BIN2: variants seen among roughly 807,000 people sequenced by gnomAD.
BIN2 encodes the protein breast cancer associated protein BRAP1.
BIN2 carries 43 observed loss-of-function variants against 67.9 expected under a neutral mutation model. The ratio of observed to expected loss-of-function variants is 0.63; its 90% CI spans 0.50 to 0.82. The LOEUF (loss-of-function observed/expected upper bound fraction) is 0.82, where lower values mean the gene tolerates loss of function less well. Ranked by LOEUF, BIN2 falls within the 40% of genes least tolerant of loss-of-function variation. BIN2 has a pLI of 0.00. For synonymous variants in BIN2, 244 were observed against 246.8 expected (o/e 0.99, Z 0.11); for missense variants, 581 against 671.6 (o/e 0.87, Z 1.49).
intron 9 of BIN2, among the ~76,000 whole-genome samples, chr12:51,292,579 T>C (rs961809694): frequency 6.6e-6 from 1 of 152,174 alleles, no homozygotes; most frequent in African/African-American, 2.4e-5. Context: ...AAAGAAACAC[T>C]GCAAAATGTC....
At chr12:51,302,884 G>A in intron 3 of BIN2, 104 bp from the exon 4 acceptor site, 1 of 1,199,980 alleles carries the variant, frequency 8.3e-7, no homozygotes. Context: ...GACAAACTCA[G>A]AAGGTTTAGG....
chr12:51,299,573 G>A (rs2288368), intron 6 of BIN2, 34 bp downstream of exon 6: 869,694 of 1,586,632 alleles, frequency 0.55, 240,951 homozygotes, highest in Non-Finnish European at 0.57. Flanking sequence ...GAACAGGAAG[G>A]GTTTACCAGT....
chr12:51,299,382 G>A, intron 6 of BIN2, 94 bp from the exon 7 acceptor site: 1 of 1,259,872 alleles, frequency 7.9e-7, no homozygotes, highest in South Asian at 1.2e-5. Context: ...TAGGCACTAG[G>A]CTTTTTAGGA....
chr12:51,286,885 G>A (rs991122174), intron 11 of BIN2, among the ~76,000 whole-genome samples: 10 of 143,316 alleles, frequency 7.0e-5, no homozygotes, highest in Non-Finnish European at 1.5e-4. Flanking sequence ...GTGCAGTGGC[G>A]TGATCATGGC....
chr12:51,290,593 G>A (rs965416729), intron 10 of BIN2, among the ~76,000 whole-genome samples: 11 of 151,882 alleles, frequency 7.2e-5, no homozygotes, highest in Admixed American at 2.0e-4. Flanking sequence ...TTGGGAGGCC[G>A]AGGCAGGCGG....
chr12:51,323,923 G>T, intron 1 of BIN2, 99 bp downstream of exon 1: 1 of 1,473,048 alleles, frequency 6.8e-7, no homozygotes, highest in Non-Finnish European at 9.2e-7. Flanking sequence ...AGACCCTTCG[G>T]GGCCCCTGAG....
chr12:51,318,503 C>G (rs1261998258), intron 1 of BIN2, among the ~76,000 whole-genome samples: 1 of 152,210 alleles, frequency 6.6e-6, no homozygotes, highest in Non-Finnish European at 1.5e-5. Context: ...CTCAGGTGAT[C>G]TGCCCACCTC....
upstream of BIN2, chr12:51,324,228 G>A (rs373826826): frequency 1.1e-5 from 16 of 1,461,312 alleles, no homozygotes; most frequent in Admixed American, 2.6e-5. Flanking sequence ...ACCTCAGGCC[G>A]CCCCTGGCCA....
intron 11 of BIN2, 131 bp downstream of exon 11, chr12:51,287,977 T>C: frequency 1.5e-6 from 1 of 652,104 alleles, no homozygotes; most frequent in Non-Finnish European, 2.6e-6. Context: ...CTTGCTCTGT[T>C]AGGGCCCTCA....
In BIN2 at chr12:51,315,191, A is replaced by T. The variant is rs549003080; in HGVS notation, c.82-1288T>A. 2.7e-3 allele frequency among the ~76,000 whole-genome samples: 400 copies of T among 149,972 alleles called. 2 individuals are homozygous for T. Among genetic ancestry groups the T allele is most frequent in the African/African-American group, 9.3e-3 (380 of 40,644 alleles). On this transcript the variant is annotated intron_variant, in intron 1 of 12. Coordinates refer to ENST00000615107, the MANE Select transcript of BIN2 (RefSeq NM_016293.4). ...TTATTATTATTTTTTTTTTTTTGAG[A>T]CGGAGTCTCGCTCTGTCGCCCAGGC...
At chr12:51,293,858 A>T (rs1433167657) in intron 9 of BIN2, among the ~76,000 whole-genome samples, 1 of 152,196 alleles carries the variant, frequency 6.6e-6, no homozygotes, top group Non-Finnish European at 1.5e-5. Context: ...TGGACTCATG[A>T]GGGCTCTTAC....
chr12:51,319,224 T>A (rs751481599), intron 1 of BIN2, among the ~76,000 whole-genome samples: 40 of 152,242 alleles, frequency 2.6e-4, no homozygotes, highest in South Asian at 4.1e-4. Context: ...ATCTCCCCAA[T>A]CCCCAAAAGG....
chr12:51,289,040 G>C (rs188622595), intron 10 of BIN2, among the ~76,000 whole-genome samples: 2 of 152,090 alleles, frequency 1.3e-5, no homozygotes, highest in East Asian at 3.9e-4. Context: ...GAGCCACTGC[G>C]CCCGGCCCTT....
intron 10 of BIN2, among the ~76,000 whole-genome samples, chr12:51,290,777 CA>C (rs202062812): frequency 6.6e-6 from 1 of 151,870 alleles, no homozygotes; most frequent in African/African-American, 2.4e-5. Context: ...ACTAAAAATA[CA>C]AAAAATTAGC....
chr12:51,303,223 T>C, intron 2 of BIN2, 82 bp from the exon 3 acceptor site: 2 of 1,398,582 alleles, frequency 1.4e-6, no homozygotes, highest in Non-Finnish European at 2.0e-6. Flanking sequence ...AAAAGTAGGT[T>C]AAGAGCAGAA....
chr12:51,284,574 C>A, intron 12 of BIN2, 142 bp downstream of exon 12: 1 of 612,264 alleles, frequency 1.6e-6, no homozygotes, highest in Non-Finnish European at 2.9e-6. Flanking sequence ...ATTCTTGTTT[C>A]CTCTGATTCC....
intron 1 of BIN2, among the ~76,000 whole-genome samples, chr12:51,319,050 T>C (rs949325749): frequency 6.6e-6 from 1 of 152,226 alleles, no homozygotes; most frequent in Admixed American, 6.5e-5. Flanking sequence ...ACCAGAAAGT[T>C]GCAAAACCAC....
At chr12:51,293,205 C>CA (rs1945436325) in intron 9 of BIN2, among the ~76,000 whole-genome samples, 1 of 151,902 alleles carries the variant, frequency 6.6e-6, no homozygotes, top group South Asian at 2.1e-4. Flanking sequence ...TCAACTATAA[C>CA]ATCTATCAAG....
chr12:51,321,882 C>G (rs1042864758), intron 1 of BIN2, among the ~76,000 whole-genome samples: 6 of 152,232 alleles, frequency 3.9e-5, no homozygotes, highest in African/African-American at 1.2e-4. Flanking sequence ...CCCTCTTTAT[C>G]TTGGTCTCAA....
Sources: allele counts gnomAD v4.1 joint callset (sites outside exome capture counted in the v4.1 genomes callset), GRCh38; gene constraint gnomAD v4.1.1; transcripts MANE v1.5; gene names NCBI Gene and HGNC (gene_info 2026-07-23, HGNC 2026-07-21).